The following CHCHD6 variants were observed in gnomAD, a reference collection of about 807,000 sequenced individuals.
CHCHD6 encodes the protein MICOS complex subunit MIC25.
CHCHD6 carries 28 observed loss-of-function variants against 32.3 expected under a neutral mutation model. The ratio of observed to expected loss-of-function variants is 0.87; its 90% CI spans 0.64 to 1.19. CHCHD6 has a LOEUF of 1.19. Ranked by LOEUF, CHCHD6 falls within the 50% of genes most tolerant of loss-of-function variation. The pLI, the probability that CHCHD6 is intolerant of heterozygous loss-of-function variation, is 0.00. For synonymous variants in CHCHD6, 122 were observed against 117.5 expected, an observed-to-expected ratio of 1.04 and a Z score of -0.25; for missense variants, 333 against 307.0, an observed-to-expected ratio of 1.08 and a Z score of -0.63.
At chr3:126,898,692 C>A (rs1047444074) in intron 5 of CHCHD6, among the ~76,000 whole-genome samples, 3 of 152,098 alleles carry the variant, frequency 2.0e-5, no homozygotes, top group African/African-American at 7.2e-5. Flanking sequence ...GCACCCGTCC[C>A]CACGCCCAGC....
chr3:126,752,950 ATTGT>A (rs1278138413), intron 4 of CHCHD6, among the ~76,000 whole-genome samples: 7 of 152,090 alleles, frequency 4.6e-5, no homozygotes, highest in African/African-American at 1.7e-4. Flanking sequence ...CGTAAGTCAC[ATTGT>A]TTGTCATTGC....
intron 4 of CHCHD6, among the ~76,000 whole-genome samples, chr3:126,845,964 A>G (rs1273490322): frequency 6.6e-6 from 1 of 152,206 alleles, no homozygotes; most frequent in East Asian, 1.9e-4. Flanking sequence ...TGTTCAAGAA[A>G]AAATGAATGA....
chr3:126,732,340 A>T (rs1432636572), intron 3 of CHCHD6, among the ~76,000 whole-genome samples: 1 of 152,168 alleles, frequency 6.6e-6, no homozygotes, highest in Non-Finnish European at 1.5e-5. Context: ...AGATAATTTC[A>T]TATCTTGCTA....
chr3:126,835,205 T>C (rs1448331115), intron 4 of CHCHD6, among the ~76,000 whole-genome samples: 1 of 152,086 alleles, frequency 6.6e-6, no homozygotes, highest in African/African-American at 2.4e-5. Flanking sequence ...AACAGTTCCC[T>C]ATTCTCCAGT....
At chr3:126,840,635 A>C (rs1034595773) in intron 4 of CHCHD6, among the ~76,000 whole-genome samples, 2 of 152,274 alleles carry the variant, frequency 1.3e-5, no homozygotes, top group African/African-American at 4.8e-5. Context: ...TCTGTTATCT[A>C]ATATGGTCAT....
At chr3:126,824,583 T>TAAAAAAAAAAAAA (rs1940307472) in intron 4 of CHCHD6, among the ~76,000 whole-genome samples, 5 of 32,026 alleles carry the variant, frequency 1.6e-4, no homozygotes, top group Admixed American at 2.6e-4. Context: ...AAAAAAAAAG[T>TAAAAAAAAAAAAA]CAAATGTTGG....
At chr3:126,803,820 T>A (rs561129273) in intron 4 of CHCHD6, among the ~76,000 whole-genome samples, 109 of 151,714 alleles carry the variant, frequency 7.2e-4, no homozygotes, top group Non-Finnish European at 9.3e-4. Context: ...GAAGTAAAGC[T>A]CTCCTCAGCA....
chr3:126,730,698 C>T lies in CHCHD6; in HGVS notation c.266+68C>T, dbSNP rs542140031. ...TAAAAGCCTCTTTCCTCACTGGGTA[C>T]CCCTCTCCTTGCCTGAAGCCCTGGA... is the stretch of plus-strand genomic sequence containing the variant. On this transcript the variant is annotated intron_variant, in intron 3 of 7. Coordinates refer to ENST00000290913, the MANE Select transcript of CHCHD6 (RefSeq NM_032343.3). 20 of 1,343,734 alleles carry T rather than the reference C, an allele frequency of 1.5e-5. No individual in the cohort carries two copies. In the African/African-American group the frequency reaches 1.6e-4, roughly 11 times the overall value. The allele number at this position is 1,343,734 out of a possible 1,614,324, so 83.2% of individuals were successfully genotyped here.
intron 5 of CHCHD6, among the ~76,000 whole-genome samples, chr3:126,898,739 A>G (rs567629307): frequency 4.5e-4 from 68 of 152,214 alleles, no homozygotes; most frequent in South Asian, 3.1e-3. Flanking sequence ...GGGTTTCACC[A>G]TGTTGGCCAG....
intron 7 of CHCHD6, 77 bp from the exon 8 acceptor site, chr3:126,960,119 C>A: frequency 1.3e-6 from 2 of 1,539,058 alleles, no homozygotes; most frequent in South Asian, 1.2e-5. Context: ...CGGTTGCTGT[C>A]ACAGGGCGAT....
At chr3:126,765,021 C>T (rs747630870) in intron 4 of CHCHD6, among the ~76,000 whole-genome samples, 12 of 151,986 alleles carry the variant, frequency 7.9e-5, no homozygotes, top group African/African-American at 2.2e-4. Flanking sequence ...GCGGGAGTCA[C>T]GGTAAGGAGT....
chr3:126,937,623 A>G (rs973641444), intron 6 of CHCHD6, among the ~76,000 whole-genome samples: 2 of 152,190 alleles, frequency 1.3e-5, no homozygotes, highest in African/African-American at 4.8e-5. Context: ...ATTAAATCCC[A>G]TGCCTTACAG....
intron 4 of CHCHD6, among the ~76,000 whole-genome samples, chr3:126,814,173 A>C (rs907358599): frequency 6.6e-5 from 10 of 152,240 alleles, no homozygotes; most frequent in African/African-American, 2.4e-4. Flanking sequence ...AGATGTCTCT[A>C]CGGAGAGAAC....
intron 4 of CHCHD6, among the ~76,000 whole-genome samples, chr3:126,821,436 T>TA (rs1940145631): frequency 6.6e-6 from 1 of 152,134 alleles, no homozygotes; most frequent in South Asian, 2.1e-4. Flanking sequence ...TAGCTGGGAT[T>TA]ACAGGTGCCC....
chr3:126,758,378 GTGTTGAA>G (rs1937042886), intron 4 of CHCHD6, among the ~76,000 whole-genome samples: 1 of 152,196 alleles, frequency 6.6e-6, no homozygotes, highest in African/African-American at 2.4e-5. Context: ...AATCACAGTG[GTGTTGAA>G]CTACATCTCA....
chr3:126,872,397 G>T (rs543320225), intron 5 of CHCHD6, among the ~76,000 whole-genome samples: 4 of 152,098 alleles, frequency 2.6e-5, no homozygotes, highest in Non-Finnish European at 4.4e-5. Context: ...AAGATGAAGA[G>T]ATCCTATTTG....
chr3:126,944,260 C>A (rs1403811985), intron 6 of CHCHD6, among the ~76,000 whole-genome samples: 1 of 152,220 alleles, frequency 6.6e-6, no homozygotes, highest in South Asian at 2.1e-4. Context: ...AGGGCTCAGC[C>A]CACCGGGTTA....
Position 126,773,883 on chromosome 3 carries a change from G to A in CHCHD6, c.411+40661G>A, listed in dbSNP as rs138823342. On this transcript the variant is annotated intron_variant, in intron 4 of 7. Transcript: ENST00000290913. ...GGCCTCCCAAAGTGCTGGGATTATA[G>A]GTGTGAGCCACTGTGCCCAGCCTCT... 2.2e-4 allele frequency among the ~76,000 whole-genome samples: 34 copies of A among 152,190 alleles called. 1 individual carries two copies. Among genetic ancestry groups the A allele is most frequent in the African/African-American group, 7.9e-4 (33 of 41,552 alleles).
chr3:126,706,351 A>G (rs1012400399), intron 1 of CHCHD6, among the ~76,000 whole-genome samples: 1 of 152,236 alleles, frequency 6.6e-6, no homozygotes, highest in African/African-American at 2.4e-5. Context: ...GAATTTGCCC[A>G]AGGTGTTAAC....
Sources: gnomAD v4.1 joint callset for allele counts (sites outside exome capture counted in the v4.1 genomes callset) on GRCh38, gnomAD v4.1.1 for gene constraint, MANE v1.5 for transcripts, NCBI Gene and HGNC (gene_info 2026-07-23, HGNC 2026-07-21) for gene names.